CNN3: variants seen among roughly 807,000 people sequenced by gnomAD.
The protein encoded by CNN3 is calponin 3.
A neutral mutation model predicts 39.0 loss-of-function variants in CNN3; 11 were observed. That is an observed-to-expected ratio of 0.28 (90% CI 0.18 to 0.47). CNN3 has a LOEUF of 0.47. Ranked by LOEUF, CNN3 falls within the 20% of genes least tolerant of loss-of-function variation. The pLI is 0.99. For synonymous variants in CNN3, 101 were observed against 138.3 expected (o/e 0.73, Z 1.89); for missense variants, 266 against 403.4 (o/e 0.66, Z 2.92).
At chr1:94,909,326 A>T (rs556848197) in intron 1 of CNN3, among the ~76,000 whole-genome samples, 1 of 152,278 alleles carries the variant, frequency 6.6e-6, no homozygotes, top group South Asian at 2.1e-4. Context: ...TACCCAACAA[A>T]ATCTTATTCC....
rs551653591 is a variant in CNN3, at chr1:94,922,891, G to A, written c.57+3947C>T. Among the ~76,000 whole-genome samples, 9 of 152,324 alleles carry A rather than the reference G, an allele frequency of 5.9e-5. No individual in the cohort carries two copies. The East Asian group carries it at 1.2e-3, about 20-fold the overall frequency. ...ACCATTTTGTAATCAAGAAGATCCC[G>A]TGGGAAGCTGCTTTGCTCAAATCAG... On this transcript the variant is annotated intron_variant, in intron 1 of 6. Transcript: ENST00000370206.
intron 1 of CNN3, among the ~76,000 whole-genome samples, chr1:94,908,613 C>T (rs1671077025): frequency 6.6e-6 from 1 of 152,056 alleles, no homozygotes; most frequent in African/African-American, 2.4e-5. Context: ...TGATCTTGGC[C>T]CACTGCAACC....
intron 1 of CNN3, among the ~76,000 whole-genome samples, chr1:94,921,591 G>A (rs1671446058): frequency 6.6e-6 from 1 of 151,332 alleles, no homozygotes; most frequent in South Asian, 2.1e-4. Context: ...TCCCAACCTG[G>A]AAGGGAAACA....
intron 3 of CNN3, 52 bp from the exon 4 acceptor site, chr1:94,902,310 A>G: frequency 6.7e-7 from 1 of 1,497,772 alleles, no homozygotes; most frequent in Non-Finnish European, 9.1e-7. Context: ...TGACATTCAT[A>G]ATTTCTAAGA....
At chr1:94,905,817 T>A (rs962958434) in intron 1 of CNN3, among the ~76,000 whole-genome samples, 2 of 152,124 alleles carry the variant, frequency 1.3e-5, no homozygotes, top group Non-Finnish European at 2.9e-5. Flanking sequence ...CGCATCAGCC[T>A]CCCAAAGTGC....
At chr1:94,911,346 C>CA (rs1301446300) in intron 1 of CNN3, among the ~76,000 whole-genome samples, 2 of 152,206 alleles carry the variant, frequency 1.3e-5, no homozygotes, top group Admixed American at 6.5e-5. Context: ...CTCAGAGGTA[C>CA]AACTGTGTCT....
At chr1:94,907,136 G>A (rs903400772) in intron 1 of CNN3, among the ~76,000 whole-genome samples, 2 of 152,048 alleles carry the variant, frequency 1.3e-5, no homozygotes, top group African/African-American at 4.8e-5. Context: ...ATGACCACGT[G>A]CACAGAAGAA....
intron 1 of CNN3, among the ~76,000 whole-genome samples, chr1:94,904,922 G>A (rs1444704890): frequency 6.6e-6 from 1 of 152,210 alleles, no homozygotes; most frequent in Non-Finnish European, 1.5e-5. Context: ...AGGTAGAAAT[G>A]TCTGCTGTGT....
intron 1 of CNN3, among the ~76,000 whole-genome samples, chr1:94,920,196 A>G (rs932498300): frequency 6.6e-6 from 1 of 152,226 alleles, no homozygotes; most frequent in African/African-American, 2.4e-5. Flanking sequence ...TGTGGACAGA[A>G]TGGTGCAGAT....
chr1:94,907,397 G>A (rs1671031215), intron 1 of CNN3, among the ~76,000 whole-genome samples: 1 of 152,048 alleles, frequency 6.6e-6, no homozygotes, highest in African/African-American at 2.4e-5. Context: ...AGTAATCTTT[G>A]GCCAATAAAA....
At chr1:94,914,911 T>C (rs1373786441) in intron 1 of CNN3, among the ~76,000 whole-genome samples, 1 of 151,626 alleles carries the variant, frequency 6.6e-6, no homozygotes, top group African/African-American at 2.4e-5. Context: ...TTCAAGACAG[T>C]CTTGCTCTGT....
At chr1:94,925,805 C>G in intron 1 of CNN3, 2 of 985,460 alleles carry the variant, frequency 2.0e-6, no homozygotes, top group Non-Finnish European at 2.4e-6. Context: ...CTTTGTGGCG[C>G]TTTGGCCAGA....
chr1:94,918,980 C>G (rs1410398522), intron 1 of CNN3, among the ~76,000 whole-genome samples: 7 of 151,880 alleles, frequency 4.6e-5, no homozygotes, highest in African/African-American at 1.7e-4. Context: ...ATATGAAGAC[C>G]AACCTCCTGC....
chr1:94,903,660 A>C, intron 1 of CNN3, 136 bp from the exon 2 acceptor site: 1 of 1,113,696 alleles, frequency 9.0e-7, no homozygotes, highest in Non-Finnish European at 1.3e-6. Flanking sequence ...ATAGATCTCA[A>C]TGGCAAACTT....
At chr1:94,905,421 T>A (rs1670971537) in intron 1 of CNN3, among the ~76,000 whole-genome samples, 1 of 152,120 alleles carries the variant, frequency 6.6e-6, no homozygotes, top group South Asian at 2.1e-4. Context: ...ATCAGACCAC[T>A]CCTGGGCTGT....
In CNN3 at chr1:94,927,032, C is replaced by T. The variant is rs115445502; in HGVS notation, c.-138G>A. 0.074 allele frequency: 68,195 copies of T among 925,414 alleles called. 3,038 individuals carry two copies. Among genetic ancestry groups the T allele is most frequent in the African/African-American group, 0.17 (9,633 of 57,530 alleles). 57.3% of individuals were successfully genotyped at this position (925,414 alleles called of 1,614,324 possible). Reference sequence around the variant, plus strand: ...CTCTGGGAGGCGCAGGAGACGGCCGCGGGGCGCGGGCGGTGCCTGGGCGAC... The same window carrying T: ...CTCTGGGAGGCGCAGGAGACGGCCGTGGGGCGCGGGCGGTGCCTGGGCGAC... On this transcript the variant is annotated 5_prime_UTR_variant, in exon 1 of 7. Coordinates refer to ENST00000370206, the MANE Select transcript of CNN3 (RefSeq NM_001839.5).
chr1:94,919,966 T>C (rs1161232643), intron 1 of CNN3, among the ~76,000 whole-genome samples: 2 of 152,094 alleles, frequency 1.3e-5, no homozygotes, highest in Non-Finnish European at 2.9e-5. Context: ...TAAGAACACA[T>C]AAACTCAAAG....
chr1:94,898,553 C>T (rs1322582352), intron 6 of CNN3, among the ~76,000 whole-genome samples: 1 of 152,182 alleles, frequency 6.6e-6, no homozygotes, highest in African/African-American at 2.4e-5. Context: ...TTGAGCAGAT[C>T]TTAAGGACTT....
chr1:94,912,076 A>AT (rs928486925), intron 1 of CNN3, among the ~76,000 whole-genome samples: 3 of 151,906 alleles, frequency 2.0e-5, no homozygotes, highest in African/African-American at 7.3e-5. Context: ...CAAAAAAAAA[A>AT]ATTTTATATA....
Sources: allele counts gnomAD v4.1 joint callset (sites outside exome capture counted in the v4.1 genomes callset), GRCh38; gene constraint gnomAD v4.1.1; transcripts MANE v1.5; gene names NCBI Gene and HGNC (gene_info 2026-07-23, HGNC 2026-07-21).